Variants in ZNF407 observed in about 807,000 individuals in gnomAD.
ZNF407 encodes the protein zinc finger protein 407.
ZNF407 carries 17 observed loss-of-function variants against 131.2 expected under a neutral mutation model. The observed-to-expected ratio is 0.13, with a 90% CI of 0.09 to 0.19. The LOEUF (loss-of-function observed/expected upper bound fraction) is 0.19, where lower values mean the gene tolerates loss of function less well. Among genes scored for constraint, ZNF407 ranks in the 10% least tolerant of loss-of-function variants. The probability of loss-of-function intolerance (pLI) is 1.00; values close to 1 mark genes in which losing one functional copy is unlikely to be tolerated. For missense variants in ZNF407, 2,681 were observed against 2,830.6 expected (o/e 0.95, Z 1.20); for synonymous variants, 1,156 against 1,062.0 (o/e 1.09, Z -1.72).
chr18:74,918,836 T>C (rs1027017904), intron 7 of ZNF407, among the ~76,000 whole-genome samples: 15 of 152,208 alleles, frequency 9.9e-5, no homozygotes, highest in Non-Finnish European at 1.9e-4. Context: ...TATTTTAATG[T>C]ATTTCTTTCT....
At chr18:74,925,917 T>G in intron 8 of ZNF407, among the ~76,000 whole-genome samples, 1 of 152,208 alleles carries the variant, frequency 6.6e-6, no homozygotes, top group South Asian at 2.1e-4. Context: ...AGATGTTAGA[T>G]TTACAGGTCT....
intron 3 of ZNF407, among the ~76,000 whole-genome samples, chr18:74,686,521 A>G (rs1268364703): frequency 6.6e-6 from 1 of 152,092 alleles, no homozygotes; most frequent in Non-Finnish European, 1.5e-5. Context: ...TCGCTCCCTG[A>G]TCCAGTCTCT....
chr18:74,625,760 A>G (rs1983759838), intron 1 of ZNF407, among the ~76,000 whole-genome samples: 1 of 152,208 alleles, frequency 6.6e-6, no homozygotes, highest in Non-Finnish European at 1.5e-5. Context: ...TCATCTGTAA[A>G]TACTTAGATA....
At chr18:75,039,350 A>T (rs1973345705) in intron 8 of ZNF407, among the ~76,000 whole-genome samples, 1 of 152,208 alleles carries the variant, frequency 6.6e-6, no homozygotes, top group Admixed American at 6.5e-5. Flanking sequence ...TTATTCAAAA[A>T]CCATAATTAG....
At chr18:74,649,294 A>T (rs1985118762) in intron 3 of ZNF407, among the ~76,000 whole-genome samples, 1 of 152,202 alleles carries the variant, frequency 6.6e-6, no homozygotes, top group Non-Finnish European at 1.5e-5. Context: ...ACATGTGTTA[A>T]TGGGGTACTG....
At chr18:74,917,023 G>A (rs924558355) in intron 7 of ZNF407, among the ~76,000 whole-genome samples, 4 of 152,128 alleles carry the variant, frequency 2.6e-5, no homozygotes, top group African/African-American at 9.7e-5. Flanking sequence ...TGAGGTTCCA[G>A]TGGCAGGAAG....
At chr18:74,824,840 G>A (rs1021608337) in intron 4 of ZNF407, among the ~76,000 whole-genome samples, 7 of 152,138 alleles carry the variant, frequency 4.6e-5, no homozygotes. Context: ...ATAAAAAGAG[G>A]GAATCCTCCC....
intron 3 of ZNF407, among the ~76,000 whole-genome samples, chr18:74,747,713 C>T (rs993070670): frequency 2.0e-5 from 3 of 152,042 alleles, no homozygotes; most frequent in African/African-American, 2.4e-5. Flanking sequence ...TGCTGACGTT[C>T]AGCACAAGTT....
chr18:74,819,674 C>A (rs974337510), intron 4 of ZNF407, among the ~76,000 whole-genome samples: 2 of 152,176 alleles, frequency 1.3e-5, no homozygotes, highest in African/African-American at 4.8e-5. Flanking sequence ...TAATCCCTAG[C>A]CAAGAGTCCA....
At chr18:74,724,729 C>T (rs1041700644) in intron 3 of ZNF407, among the ~76,000 whole-genome samples, 2 of 152,104 alleles carry the variant, frequency 1.3e-5, no homozygotes, top group African/African-American at 2.4e-5. Context: ...CAGTTTATGA[C>T]CATTTCTTAA....
At chr18:74,646,939 G>C (rs1380056276) in intron 3 of ZNF407, among the ~76,000 whole-genome samples, 1 of 151,984 alleles carries the variant, frequency 6.6e-6, no homozygotes, top group African/African-American at 2.4e-5. Context: ...AGAAGGGTGG[G>C]GTCGTAGATG....
At chr18:74,857,672 T>C (rs944509039) in intron 4 of ZNF407, among the ~76,000 whole-genome samples, 6 of 152,332 alleles carry the variant, frequency 3.9e-5, no homozygotes, top group Non-Finnish European at 5.9e-5. Flanking sequence ...CTTATAGTAA[T>C]ATCATAGTTT....
At chr18:75,059,364 C>G (rs867666006) in intron 8 of ZNF407, among the ~76,000 whole-genome samples, 11 of 152,192 alleles carry the variant, frequency 7.2e-5, no homozygotes, top group Admixed American at 2.0e-4. Flanking sequence ...TTCCCAACTA[C>G]AGTAGTTTCT....
chr18:74,797,612 A>G (rs1969944552), intron 4 of ZNF407, among the ~76,000 whole-genome samples: 1 of 152,230 alleles, frequency 6.6e-6, no homozygotes, highest in South Asian at 2.1e-4. Flanking sequence ...TCATAAAGGG[A>G]AAGTTTTCTT....
intron 8 of ZNF407, among the ~76,000 whole-genome samples, chr18:74,947,532 C>T (rs1468153558): frequency 6.6e-6 from 1 of 152,190 alleles, no homozygotes; most frequent in African/African-American, 2.4e-5. Flanking sequence ...GTAACGGAAG[C>T]TCAAGTCAGG....
intron 8 of ZNF407, among the ~76,000 whole-genome samples, chr18:75,013,267 A>G (rs1434475817): frequency 6.6e-6 from 1 of 151,824 alleles, no homozygotes; most frequent in Non-Finnish European, 1.5e-5. Context: ...TTTGAGAGAA[A>G]CTCGTTTTTC....
At chr18:74,812,467 C>T (rs751708874) in intron 4 of ZNF407, among the ~76,000 whole-genome samples, 2 of 152,064 alleles carry the variant, frequency 1.3e-5, no homozygotes, top group Non-Finnish European at 2.9e-5. Context: ...ACCTATAATT[C>T]CTTTGAAGGT....
intron 3 of ZNF407, among the ~76,000 whole-genome samples, chr18:74,726,897 G>C (rs777716320): frequency 3.3e-5 from 5 of 152,080 alleles, no homozygotes; most frequent in Admixed American, 2.0e-4. Flanking sequence ...GCAGTATTTC[G>C]GTGCATCTTA....
chr18:74,719,409 A>G (rs1967973752), intron 3 of ZNF407, among the ~76,000 whole-genome samples: 1 of 151,456 alleles, frequency 6.6e-6, no homozygotes, highest in South Asian at 2.1e-4. Context: ...TTACTTACTT[A>G]TTTATTTAGA....
Sources: gnomAD v4.1 joint callset for allele counts (sites outside exome capture counted in the v4.1 genomes callset) on GRCh38, gnomAD v4.1.1 for gene constraint, MANE v1.5 for transcripts, NCBI Gene and HGNC (gene_info 2026-07-23, HGNC 2026-07-21) for gene names.